Variants in FOXA2 observed in about 807,000 individuals in gnomAD.
FOXA2 encodes hepatocyte nuclear factor 3-beta.
In FOXA2, 9 loss-of-function variants were observed where a neutral mutation model predicts 33.3. The ratio of observed to expected loss-of-function variants is 0.27; its 90% confidence interval spans 0.16 to 0.47. FOXA2 has a LOEUF of 0.47. Among genes scored for constraint, FOXA2 ranks in the 20% least tolerant of loss-of-function variants. FOXA2 has a pLI of 0.99. For synonymous variants in FOXA2, 329 were observed against 289.4 expected (o/e 1.14, Z -1.39); for missense variants, 704 against 659.9 (o/e 1.07, Z -0.73).
chr20:22,584,371 C>T lies in FOXA2; in HGVS notation c.-93G>A, dbSNP rs1000160923. ...AAAAAAGTCAGCCAAAGCACCGTCCCCTCCTCCCTCCCTCTCTCGCGCTCC... is the reference window on the plus strand; with the variant it reads ...AAAAAAGTCAGCCAAAGCACCGTCCTCTCCTCCCTCCCTCTCTCGCGCTCC... On this transcript the variant is annotated 5_prime_UTR_variant, in exon 1 of 2. Transcript: ENST00000419308. The T allele has an allele frequency of 7.1e-6, 7 of 991,278 alleles. No individual in the cohort carries two copies. Among genetic ancestry groups the T allele is most frequent in the South Asian group, 2.7e-5 (2 of 73,078 alleles). 61.4% of individuals were successfully genotyped at this position (991,278 alleles called of 1,614,324 possible).
intron 1 of FOXA2, 77 bp downstream of exon 1, chr20:22,584,115 C>G (rs1020264667): frequency 9.2e-6 from 13 of 1,417,770 alleles, no homozygotes; most frequent in African/African-American, 5.6e-5. Context: ...GGGGTGCCAG[C>G]GAGGGAAGCG....
chr20:22,582,238 G>C lies in FOXA2; in HGVS notation c.1004C>G (p.Ala335Gly). The change falls in exon 2 of 2, where the codon GCG becomes GGG. Residue 335 changes from alanine to glycine, a missense_variant. Ala to Gly is a moderately conservative substitution (Grantham distance 60, BLOSUM62 0). Transcript: ENST00000419308. ...LGELKGTPAA[A>G]LSPPEPAPSP... ...GGGCGCCGGCTCTGGGGGGCTCAGC[G>C]CCGCAGCCGGCGTCCCCTTCAGCTC... The C allele has an allele frequency of 6.8e-7, 1 of 1,475,938 alleles. No homozygotes were observed. Among genetic ancestry groups the C allele is most frequent in the Non-Finnish European group, 8.9e-7 (1 of 1,119,408 alleles). 91.4% of individuals were successfully genotyped at this position (1,475,938 alleles called of 1,614,324 possible).
chr20:22,583,124 C>T lies in FOXA2; in HGVS notation c.118G>A (p.Gly40Ser). 2 of 1,605,212 alleles carry T rather than the reference C, an allele frequency of 1.2e-6. No homozygotes were observed. Among genetic ancestry groups the T allele is most frequent in the Non-Finnish European group, 1.7e-6 (2 of 1,179,824 alleles). ...GTGTTCATGCCGTTCATCCCCAGGC[C>T]GGCGTTCATGTTGCTCACGGAGGAG... The part of the protein sequence containing the change: ...GYSSVSNMNA[G>S]LGMNGMNTYM... Residue 40 changes from glycine (G) to serine (S), a missense_variant, in exon 2 of 2, where the codon GGC (glycine) becomes AGC (serine). Gly to Ser is a moderately conservative substitution (Grantham distance 56). Around this residue, in one of 5 missense-constraint regions of FOXA2, gnomAD observed 304 missense variants for 251.7 expected, o/e 1.21. Transcript: ENST00000419308.
intron 1 of FOXA2, among the ~76,000 whole-genome samples, chr20:22,583,847 T>G (rs1253405240): frequency 6.6e-6 from 1 of 151,754 alleles, no homozygotes; most frequent in Non-Finnish European, 1.5e-5. Flanking sequence ...ACCCATCTTC[T>G]CCTCCTCAGC....
Position 22,582,849 on chromosome 20 carries a change from G to A in FOXA2, c.393C>T (p.Ala131=), listed in dbSNP as rs1432164174. The change falls in exon 2 of 2, where the codon GCC becomes GCT. Residue 131 remains alanine, a synonymous_variant. Coordinates refer to ENST00000419308, the MANE Select transcript of FOXA2 (RefSeq NM_021784.5). ...GQAAGAMGGL[A]PYANMNSMSP... is the part of the protein sequence containing the mutation. ...TCATGGAGTTCATGTTGGCGTAGGG[G>A]GCCAGGCCGCCCATGGCCCCGGCCG... 3.8e-6 allele frequency: 6 copies of A among 1,597,068 alleles called. No homozygotes were observed. The East Asian group carries it at 6.7e-5, about 18-fold the overall frequency.
rs750349218 is a variant in FOXA2, at chr20:22,582,858, G to T, written c.384C>A (p.Gly128=). 14 of 1,582,036 alleles carry T rather than the reference G, an allele frequency of 8.8e-6. No homozygotes were observed. In the East Asian group the frequency reaches 1.1e-4, roughly 13 times the overall value. ...TCATGTTGGCGTAGGGGGCCAGGCC[G>T]CCCATGGCCCCGGCCGCCTGCCCCC... The part of the protein sequence containing the change: ...PLGGQAAGAM[G]GLAPYANMNS... Residue 128 remains glycine (G), a synonymous_variant, in exon 2 of 2, where the codon GGC becomes GGA. Coordinates refer to ENST00000419308, the MANE Select transcript of FOXA2 (RefSeq NM_021784.5).
chr20:22,583,044 C>A lies in FOXA2; in HGVS notation c.198G>T (p.Ala66=), dbSNP rs146538183. ...AMGSGSGNMS[A]GSMNMSSYVG... ...CGTACGACGACATGTTCATGGAGCC[C>A]GCGCTCATGTTGCCCGAGCCGCTGC... Residue 66 remains alanine (A), a synonymous_variant, in exon 2 of 2, where the codon GCG becomes GCT. Coordinates refer to ENST00000419308, the MANE Select transcript of FOXA2 (RefSeq NM_021784.5). The A allele has an allele frequency of 6.2e-7, 1 of 1,610,090 alleles. No individual in the cohort carries two copies. Among genetic ancestry groups the A allele is most frequent in the Non-Finnish European group, 8.5e-7 (1 of 1,179,770 alleles).
In FOXA2 at chr20:22,582,969, G is replaced by T. The variant is rs773082912; in HGVS notation, c.273C>A (p.Gly91=). ...CCGAGCCGCCCATGCCCGCCATGGC[G>T]CCCGCGCCGGGGGACATCCCCGCCA... ...PSLAGMSPGA[G]AMAGMGGSAG... Residue 91 remains glycine (G), a synonymous_variant, in exon 2 of 2, where the codon GGC becomes GGA. Transcript: ENST00000419308. 14 of 1,600,576 alleles carry T rather than the reference G, an allele frequency of 8.7e-6. No homozygotes were observed. The African/African-American group carries it at 1.2e-4, about 14-fold the overall frequency.
chr20:22,584,883 A>C (rs1196961094), upstream of FOXA2, among the ~76,000 whole-genome samples: 3 of 151,990 alleles, frequency 2.0e-5, no homozygotes, highest in African/African-American at 7.2e-5. Flanking sequence ...CCTGCCCCTC[A>C]GCGCCTGCCG....
upstream of FOXA2, chr20:22,585,351 G>A (rs1299298017): frequency 1.3e-5 from 2 of 152,262 alleles, no homozygotes; most frequent in African/African-American, 4.8e-5. Flanking sequence ...CGGGAGAAGC[G>A]CGGGGCGCAC....
chr20:22,583,900 G>A (rs1157764354), intron 1 of FOXA2, among the ~76,000 whole-genome samples: 1 of 149,298 alleles, frequency 6.7e-6, no homozygotes, highest in Non-Finnish European at 1.5e-5. Context: ...CTCCCCAGCC[G>A]CGCGCTGCCA....
rs1386781386 is a variant in FOXA2, at chr20:22,582,250, G to C, written c.992C>G (p.Thr331Arg). 1 of 1,470,134 alleles carries C rather than the reference G, an allele frequency of 6.8e-7. No individual in the cohort carries two copies. 91.1% of individuals were successfully genotyped at this position (1,470,134 alleles called of 1,614,324 possible). A position where few individuals can be genotyped will look rare whatever the true frequency, so the allele number is the denominator to read the frequency against. The change falls in exon 2 of 2, where the codon ACG (threonine) becomes AGG (arginine). Residue 331 changes from threonine (T) to arginine (R), a missense_variant. Coordinates refer to ENST00000419308, the MANE Select transcript of FOXA2 (RefSeq NM_021784.5). Reference protein sequence around the residue: ...KRGGLGELKGTPAAALSPPEP... With the variant: ...KRGGLGELKGRPAAALSPPEP... ...TGGGGGGCTCAGCGCCGCAGCCGGCGTCCCCTTCAGCTCTCCCAGGCCCCC... is the reference window on the plus strand; with the variant it reads ...TGGGGGGCTCAGCGCCGCAGCCGGCCTCCCCTTCAGCTCTCCCAGGCCCCC...
chr20:22,584,887 C>A (rs1984724502), upstream of FOXA2, among the ~76,000 whole-genome samples: 2 of 152,088 alleles, frequency 1.3e-5, no homozygotes, highest in African/African-American at 4.8e-5. Flanking sequence ...CCCCTCAGCG[C>A]CTGCCGTCCG....
intron 1 of FOXA2, among the ~76,000 whole-genome samples, chr20:22,583,932 T>C (rs867818772): frequency 1.1e-4 from 16 of 152,058 alleles, no homozygotes; most frequent in African/African-American, 3.4e-4. Flanking sequence ...GTTAGGATAG[T>C]GCGTGGCTCG....
Position 22,584,309 on chromosome 20 carries a change from C to T in FOXA2, c.-31G>A, listed in dbSNP as rs1242714222. 1.3e-6 allele frequency: 2 copies of T among 1,590,878 alleles called. No individual in the cohort carries two copies. The highest frequency in any genetic ancestry group is 1.1e-5 in the South Asian group (1 of 90,140). ...TTTAAAATTTAACAGCCACAACAAA[C>T]GACCAGCAATCACCCCCCACCCCCA... On this transcript the variant is annotated 5_prime_UTR_variant, in exon 1 of 2. Transcript: ENST00000419308.
Position 22,582,407 on chromosome 20 carries a change from C to A in FOXA2, c.835G>T (p.Gly279Cys), listed in dbSNP as rs750595455. 1.6e-5 allele frequency: 25 copies of A among 1,566,234 alleles called. No homozygotes were observed. The highest frequency in any genetic ancestry group is 2.2e-4 in the Middle Eastern group (1 of 4,620). The part of the protein sequence containing the change: ...LKEAAGAAGS[G>C]KKAAAGAQAS... ...TGGGCTCCGGCGGCCGCCTTCTTGCCGCTGCCGGCGGCGCCTGCGGCCTCC... is the reference window on the plus strand; with the variant it reads ...TGGGCTCCGGCGGCCGCCTTCTTGCAGCTGCCGGCGGCGCCTGCGGCCTCC... The change falls in exon 2 of 2, where the codon GGC (glycine) becomes TGC (cysteine). Residue 279 changes from glycine (G) to cysteine (C), a missense_variant. Gly to Cys is a radical substitution (Grantham distance 159, BLOSUM62 -3). Around this residue, in one of 5 missense-constraint regions of FOXA2, gnomAD observed 343 missense variants for 274.8 expected, o/e 1.25. Transcript: ENST00000419308.
In FOXA2 at chr20:22,582,895, A is replaced by C; in HGVS notation, c.347T>G (p.Leu116Arg). 2 of 1,567,764 alleles carry C rather than the reference A, an allele frequency of 1.3e-6. No homozygotes were observed. Among genetic ancestry groups the C allele is most frequent in the Non-Finnish European group, 1.7e-6 (2 of 1,162,978 alleles). ...AGMGPHLSPS[L>R]SPLGGQAAGA... The stretch of plus-strand genomic sequence containing the variant: ...GGCCGCCTGCCCCCCGAGCGGGCTC[A>C]GGCTGGGACTCAAGTGCGGCCCCAT... The change falls in exon 2 of 2, where the codon CTG (leucine) becomes CGG (arginine). Residue 116 changes from leucine (L) to arginine (R), a missense_variant. Transcript: ENST00000419308.
In FOXA2 at chr20:22,582,873, C is replaced by A. The variant is rs781660247; in HGVS notation, c.369G>T (p.Ala123=). 1 of 1,576,198 alleles carries A rather than the reference C, an allele frequency of 6.3e-7. No individual in the cohort carries two copies. Among genetic ancestry groups the A allele is most frequent in the East Asian group, 2.3e-5 (1 of 44,350 alleles). The change falls in exon 2 of 2, where the codon GCG becomes GCT. Residue 123 remains alanine, a synonymous_variant. Coordinates refer to ENST00000419308, the MANE Select transcript of FOXA2 (RefSeq NM_021784.5). ...SPSLSPLGGQ[A]AGAMGGLAPY... is the part of the protein sequence containing the mutation. ...GGGCCAGGCCGCCCATGGCCCCGGC[C>A]GCCTGCCCCCCGAGCGGGCTCAGGC...
At chr20:22,584,672 T>TGGAGGAGGAGGAGGA (rs1176408400), upstream of FOXA2, among the ~76,000 whole-genome samples, 112 of 34,382 alleles carry the variant, frequency 3.3e-3, 2 homozygotes, top group African/African-American at 0.011. Flanking sequence ...GTGGTGGTGG[T>TGGAGGAGGAGGAGGA]GGAGGAGGAG....
Sources: allele counts gnomAD v4.1 joint callset (sites outside exome capture counted in the v4.1 genomes callset), GRCh38; gene constraint gnomAD v4.1.1; regional missense constraint gnomAD v4.1.1; transcripts MANE v1.5; gene names NCBI Gene and HGNC (gene_info 2026-07-23, HGNC 2026-07-21).